The following PHLPP2 variants were observed in gnomAD, a reference collection of about 807,000 sequenced individuals.
PHLPP2 encodes PH domain and leucine rich repeat protein phosphatase 2.
Under a neutral mutation model 124.9 loss-of-function variants are expected in PHLPP2, and 66 were observed. That is an observed-to-expected ratio of 0.53 (90% CI 0.43 to 0.65). PHLPP2 has a LOEUF of 0.65. Ranked by LOEUF, PHLPP2 falls within the 30% of genes least tolerant of loss-of-function variation. The pLI, the probability that PHLPP2 is intolerant of heterozygous loss-of-function variation, is 0.00. For synonymous variants in PHLPP2, 681 were observed against 624.7 expected, an observed-to-expected ratio of 1.09 and a Z score of -1.34; for missense variants, 1,685 against 1,600.4, an observed-to-expected ratio of 1.05 and a Z score of -0.90.
At chr16:71,711,526 C>T (rs2045324101) in intron 2 of PHLPP2, among the ~76,000 whole-genome samples, 1 of 152,136 alleles carries the variant, frequency 6.6e-6, no homozygotes, top group South Asian at 2.1e-4. Context: ...GATTCAAACT[C>T]CAGCTCTACC....
intron 18 of PHLPP2, 83 bp downstream of exon 18, chr16:71,652,707 G>A (rs1596986631): frequency 2.1e-6 from 2 of 963,130 alleles, no homozygotes; most frequent in East Asian, 4.8e-5. Flanking sequence ...ATGATAGGAA[G>A]AAAATGGGCC....
chr16:71,666,550 A>C (rs1472232851), intron 12 of PHLPP2, among the ~76,000 whole-genome samples: 1 of 152,118 alleles, frequency 6.6e-6, no homozygotes. Flanking sequence ...CCCACAAAAA[A>C]CAAATAAACT....
chr16:71,678,520 G>C (rs1213303277), intron 8 of PHLPP2: 2 of 467,638 alleles, frequency 4.3e-6, no homozygotes, highest in South Asian at 2.6e-5. Context: ...CGCACCTGAA[G>C]TCCCAACTAC....
chr16:71,667,395 T>A, intron 11 of PHLPP2, 62 bp from the exon 12 acceptor site: 6 of 1,302,758 alleles, frequency 4.6e-6, no homozygotes, highest in Non-Finnish European at 6.5e-6. Flanking sequence ...TTTCTGAGGC[T>A]GTCCTAGCCT....
At chr16:71,713,385 A>C (rs988018993) in intron 2 of PHLPP2, among the ~76,000 whole-genome samples, 6 of 152,368 alleles carry the variant, frequency 3.9e-5, no homozygotes, top group African/African-American at 1.2e-4. Context: ...TTCTGATGGA[A>C]ATATAACCTC....
At chr16:71,676,701 G>C (rs751056223) in intron 8 of PHLPP2, 52 bp from the exon 9 acceptor site, 9 of 1,317,500 alleles carry the variant, frequency 6.8e-6, no homozygotes, top group Non-Finnish European at 9.9e-6. Flanking sequence ...TATTAAATGT[G>C]CTTACCAGAA....
rs1231409535 is a variant in PHLPP2, at chr16:71,705,137, C to G, written c.285-2406G>C. Among the ~76,000 whole-genome samples, 2 of 152,188 alleles carry G rather than the reference C, an allele frequency of 1.3e-5. 1 individual carries two copies. Among genetic ancestry groups the G allele is most frequent in the South Asian group, 4.1e-4 (2 of 4,828 alleles). ...TGTTCAGAGAGACCTGGAGAGCCAT[C>G]TGTCACAGACATTTTAGAAGAAACA... On this transcript the variant is annotated intron_variant, in intron 2 of 18. Coordinates refer to ENST00000568954, the MANE Select transcript of PHLPP2 (RefSeq NM_015020.3).
rs534109166 is a variant in PHLPP2, at chr16:71,707,079, C to T, written c.285-4348G>A. On this transcript the variant is annotated intron_variant, in intron 2 of 18. Coordinates refer to ENST00000568954, the MANE Select transcript of PHLPP2 (RefSeq NM_015020.3). ...ACGCCATTCTCCTGCCTCAGCCTCCCGAGTAGCTGGGACTACAGGCGCCCG... is the reference window on the plus strand; with the variant it reads ...ACGCCATTCTCCTGCCTCAGCCTCCTGAGTAGCTGGGACTACAGGCGCCCG... 2.9e-3 allele frequency among the ~76,000 whole-genome samples: 436 copies of T among 150,608 alleles called. 1 individual carries two copies. Among genetic ancestry groups the T allele is most frequent in the Non-Finnish European group, 3.2e-3 (219 of 67,704 alleles).
At chr16:71,651,300 T>G (rs2044694556) in intron 18 of PHLPP2, among the ~76,000 whole-genome samples, 2 of 150,936 alleles carry the variant, frequency 1.3e-5, no homozygotes. Flanking sequence ...ATCACGCCAT[T>G]GCACTCCAGC....
At position 71,684,546 on chromosome 16, in the gene PHLPP2, T is replaced by C; in HGVS notation, c.665A>G (p.Gln222Arg). The C allele has an allele frequency of 1.2e-6, 2 of 1,614,000 alleles. No individual in the cohort carries two copies. The highest frequency in any genetic ancestry group is 1.7e-6 in the Non-Finnish European group (2 of 1,179,938). ...YSLAFSSAGA[Q>R]AQTYHVSFET... ...GAAGCTGACATGATAGGTCTGAGCT[T>C]GGGCTCCTGCTGAGCTGAAAGCAAG... The change falls in exon 5 of 19, where the codon CAA becomes CGA. Residue 222 changes from glutamine to arginine, a missense_variant. Coordinates refer to ENST00000568954, the MANE Select transcript of PHLPP2 (RefSeq NM_015020.3).
rs142287063 is a variant in PHLPP2, at chr16:71,649,856, G to A, written c.3006C>T (p.His1002=). Residue 1002 remains histidine (H), a synonymous_variant, in exon 19 of 19, where the codon CAC becomes CAT. Coordinates refer to ENST00000568954, the MANE Select transcript of PHLPP2 (RefSeq NM_015020.3). ...TAGCAGCTGCTAATGGGTCTTGTACGTGACGTACAGCATTGACAGCTTCTG... is the reference window on the plus strand; with the variant it reads ...TAGCAGCTGCTAATGGGTCTTGTACATGACGTACAGCATTGACAGCTTCTG... The part of the protein sequence containing the change: ...SYTEAVNAVR[H]VQDPLAAAKK... The A allele has an allele frequency of 2.4e-3, 3,948 of 1,614,208 alleles. 8 individuals carry two copies. Among genetic ancestry groups the A allele is most frequent in the Middle Eastern group, 7.3e-3 (44 of 6,062 alleles).
chr16:71,690,476 TAAG>T (rs1189539120), intron 4 of PHLPP2, 40 bp downstream of exon 4: 3 of 1,306,626 alleles, frequency 2.3e-6, no homozygotes, highest in Middle Eastern at 5.3e-4. Flanking sequence ...TTTTCTTAAT[TAAG>T]ATGATCAAAT....
chr16:71,654,376 G>T (rs567168561), intron 17 of PHLPP2, among the ~76,000 whole-genome samples: 1 of 152,234 alleles, frequency 6.6e-6, no homozygotes, highest in East Asian at 1.9e-4. Flanking sequence ...ACTTATGATG[G>T]TTCAACTTAA....
intron 3 of PHLPP2, among the ~76,000 whole-genome samples, chr16:71,701,307 T>C (rs2045231055): frequency 1.1e-5 from 1 of 89,420 alleles, no homozygotes; most frequent in African/African-American, 4.5e-5. Flanking sequence ...TATCTATCTA[T>C]CTATCTATAT....
rs144725655 is a variant in PHLPP2, at chr16:71,663,986, G to A, written c.1898C>T (p.Thr633Met). 3.6e-4 allele frequency: 583 copies of A among 1,613,842 alleles called. 1 individual carries two copies. The highest frequency in any genetic ancestry group is 9.2e-4 in the African/African-American group (69 of 75,052). Residue 633 changes from threonine (T) to methionine (M), a missense_variant, in exon 13 of 19, where the codon ACG becomes ATG. Thr to Met is a moderately conservative substitution (Grantham distance 81, BLOSUM62 -1). Transcript: ENST00000568954. ...QLLYLTNNLL[T>M]DQCIPVLVGH... ...TACCAGGACAGGTATGCACTGATCCGTCAGGAGATTGTTGGTCAGATAAAG... is the reference window on the plus strand; with the variant it reads ...TACCAGGACAGGTATGCACTGATCCATCAGGAGATTGTTGGTCAGATAAAG...
chr16:71,681,761 T>A lies in PHLPP2; in HGVS notation c.880A>T (p.Thr294Ser). ...MQLERPGGLD[T>S]LYKFSQLKGL... ...CCATTCTCCACATACTTGTAGAGTG[T>A]ATCGAGGCCTCCGGGTCTTTCTAAC... The change falls in exon 6 of 19, where the codon ACA (threonine) becomes TCA (serine). Residue 294 changes from threonine to serine, a missense_variant. Physicochemically the swap from Thr to Ser is moderately conservative, Grantham distance 58 (BLOSUM62 1). Coordinates refer to ENST00000568954, the MANE Select transcript of PHLPP2 (RefSeq NM_015020.3). 1 of 1,613,050 alleles carries A rather than the reference T, an allele frequency of 6.2e-7. No individual in the cohort carries two copies. Among genetic ancestry groups the A allele is most frequent in the Non-Finnish European group, 8.5e-7 (1 of 1,179,482 alleles).
chr16:71,723,108 T>G (rs1409048340), intron 1 of PHLPP2: 1 of 152,238 alleles, frequency 6.6e-6, no homozygotes, highest in Non-Finnish European at 1.5e-5. Context: ...GAATGCCCCT[T>G]TCGGCCCGGC....
intron 2 of PHLPP2, among the ~76,000 whole-genome samples, chr16:71,708,563 G>GTCTCTTTGT (rs2045300700): frequency 1.3e-5 from 2 of 152,182 alleles, no homozygotes; most frequent in Admixed American, 1.3e-4. Context: ...TCTTCGCACG[G>GTCTCTTTGT]ATGTCCCTGA....
intron 3 of PHLPP2, among the ~76,000 whole-genome samples, chr16:71,693,512 A>G (rs1232931297): frequency 6.6e-6 from 1 of 152,130 alleles, no homozygotes; most frequent in Non-Finnish European, 1.5e-5. Context: ...ATTCCTTCCT[A>G]TTCCCTAGTT....
Sources: allele counts gnomAD v4.1 joint callset (sites outside exome capture counted in the v4.1 genomes callset), GRCh38; gene constraint gnomAD v4.1.1; transcripts MANE v1.5; gene names NCBI Gene and HGNC (gene_info 2026-07-23, HGNC 2026-07-21).